TMEM266: variants seen among roughly 807,000 people sequenced by gnomAD.
TMEM266 encodes transmembrane protein 266, also known as Hv1 related protein 1.
Under a neutral mutation model 50.5 loss-of-function variants are expected in TMEM266, and 33 were observed. That is an observed-to-expected ratio of 0.65 (90% confidence interval 0.50 to 0.87). The LOEUF (loss-of-function observed/expected upper bound fraction) is 0.87. Ranked by LOEUF, TMEM266 falls within the 40% of genes least tolerant of loss-of-function variation. The pLI is 0.00. For synonymous variants in TMEM266, 310 were observed against 292.3 expected (o/e 1.06, Z -0.62); for missense variants, 655 against 695.1 (o/e 0.94, Z 0.65).
intron 1 of TMEM266, among the ~76,000 whole-genome samples, chr15:76,068,991 A>T (rs892924148): frequency 6.6e-6 from 1 of 152,198 alleles, no homozygotes. Context: ...TTCTCCCGTC[A>T]TATGGTCATC....
At chr15:76,079,484 T>A (rs748039567) in intron 1 of TMEM266, among the ~76,000 whole-genome samples, 5 of 145,748 alleles carry the variant, frequency 3.4e-5, no homozygotes, top group Non-Finnish European at 7.5e-5. Context: ...GCAAAGATAC[T>A]ATTTCTAAAC....
At chr15:76,133,156 G>A (rs888207219) in intron 1 of TMEM266, among the ~76,000 whole-genome samples, 7 of 147,642 alleles carry the variant, frequency 4.7e-5, no homozygotes, top group African/African-American at 1.8e-4. Flanking sequence ...AAATCAGGCC[G>A]GGCGCGGTGG....
Position 76,183,103 on chromosome 15 carries a change from C to CTT in TMEM266, c.768+7458_768+7459dup, listed in dbSNP as rs71140199. 4.1e-4 allele frequency among the ~76,000 whole-genome samples: 18 copies of CTT among 44,166 alleles called. 3 individuals are homozygous for CTT. The highest frequency in any genetic ancestry group is 2.4e-3 in the Admixed American group (5 of 2,102). 29.0% of individuals were successfully genotyped at this position (44,166 alleles called of 152,430 possible). Reference sequence around the variant, plus strand: ...CCTCCAGGCTGCTTCCATTTTGTGGCTTTTTTTTTTTTTTTTTTTTTTTTT... The same window carrying CTT: ...CCTCCAGGCTGCTTCCATTTTGTGGCTTTTTTTTTTTTTTTTTTTTTTTTTTT... On this transcript the variant is annotated intron_variant, in intron 8 of 10. Coordinates refer to ENST00000388942, the MANE Select transcript of TMEM266 (RefSeq NM_152335.3).
At chr15:76,097,733 A>T (rs895683336) in intron 1 of TMEM266, among the ~76,000 whole-genome samples, 1 of 152,070 alleles carries the variant, frequency 6.6e-6, no homozygotes, top group Admixed American at 6.5e-5. Context: ...TCACTTTCAG[A>T]TACACCAATC....
At chr15:76,099,542 A>G (rs1476904688) in intron 1 of TMEM266, among the ~76,000 whole-genome samples, 4 of 152,206 alleles carry the variant, frequency 2.6e-5, no homozygotes, top group Non-Finnish European at 5.9e-5. Context: ...CAACAATCCC[A>G]GGTGCTATTT....
At chr15:76,065,301 G>C (rs2036392361) in intron 1 of TMEM266, among the ~76,000 whole-genome samples, 1 of 152,132 alleles carries the variant, frequency 6.6e-6, no homozygotes, top group Admixed American at 6.6e-5. Flanking sequence ...CCTGCAAGGA[G>C]CTCCTGCCCC....
intron 3 of TMEM266, among the ~76,000 whole-genome samples, chr15:76,154,086 C>T (rs2037885953): frequency 6.6e-6 from 1 of 152,200 alleles, no homozygotes; most frequent in South Asian, 2.1e-4. Flanking sequence ...ATCACAGCCG[C>T]CCTCACCAGG....
rs138671773 is a variant in TMEM266, at chr15:76,150,053, G to A, written c.228-6551G>A. On this transcript the variant is annotated intron_variant, in intron 3 of 10. Coordinates refer to ENST00000388942, the MANE Select transcript of TMEM266 (RefSeq NM_152335.3). ...AGAACTGGCACGAGTGGAGCTAGGC[G>A]GGGCCCCAAATTACCCAATCCTGGG... 1.1e-4 allele frequency among the ~76,000 whole-genome samples: 17 copies of A among 152,312 alleles called. No individual in the cohort carries two copies. The East Asian group carries it at 2.7e-3, about 24-fold the overall frequency.
chr15:76,090,618 T>C (rs1429396464), intron 1 of TMEM266, among the ~76,000 whole-genome samples: 1 of 148,552 alleles, frequency 6.7e-6, no homozygotes, highest in Non-Finnish European at 1.5e-5. Context: ...GAACTGAGAG[T>C]TTTAAGAATC....
chr15:76,189,788 C>T (rs2038540744), intron 8 of TMEM266, among the ~76,000 whole-genome samples: 1 of 152,172 alleles, frequency 6.6e-6, no homozygotes, highest in Non-Finnish European at 1.5e-5. Context: ...CTGGGTTAGG[C>T]AGGGACCTGG....
intron 1 of TMEM266, among the ~76,000 whole-genome samples, chr15:76,116,467 G>C (rs751241503): frequency 7.9e-5 from 12 of 151,912 alleles, no homozygotes; most frequent in African/African-American, 2.2e-4. Context: ...CCCCTTCAGA[G>C]ACACCGTCCT....
At chr15:76,193,717 T>C (rs2038615760) in intron 9 of TMEM266, among the ~76,000 whole-genome samples, 1 of 152,194 alleles carries the variant, frequency 6.6e-6, no homozygotes. Context: ...GCTCTGCCTG[T>C]AAGAAGATTC....
chr15:76,148,002 A>G (rs1596134645), intron 3 of TMEM266, among the ~76,000 whole-genome samples: 3 of 152,372 alleles, frequency 2.0e-5, no homozygotes, highest in Admixed American at 2.0e-4. Flanking sequence ...AAAAAAGGCA[A>G]TACATTCACA....
intron 10 of TMEM266, among the ~76,000 whole-genome samples, chr15:76,203,366 T>C (rs566258901): frequency 6.6e-6 from 1 of 152,328 alleles, no homozygotes; most frequent in East Asian, 1.9e-4. Context: ...GCTCTGCTCC[T>C]GGGTCATCAC....
intron 7 of TMEM266, among the ~76,000 whole-genome samples, chr15:76,172,089 G>T (rs758884037): frequency 1.3e-5 from 2 of 152,178 alleles, no homozygotes; most frequent in Non-Finnish European, 2.9e-5. Flanking sequence ...CCACTCATAG[G>T]GGGCTGGTCA....
At chr15:76,092,266 A>T (rs1442064432) in intron 1 of TMEM266, among the ~76,000 whole-genome samples, 2 of 152,110 alleles carry the variant, frequency 1.3e-5, no homozygotes, top group Non-Finnish European at 2.9e-5. Flanking sequence ...TTTTAGATTC[A>T]GTTTAAGAGC....
intron 1 of TMEM266, among the ~76,000 whole-genome samples, chr15:76,129,248 C>T (rs1159356361): frequency 2.6e-5 from 4 of 152,090 alleles, no homozygotes; most frequent in Non-Finnish European, 5.9e-5. Context: ...TATGGCACCA[C>T]CTATGAAATC....
At chr15:76,080,687 G>A (rs2036678171) in intron 1 of TMEM266, among the ~76,000 whole-genome samples, 1 of 152,048 alleles carries the variant, frequency 6.6e-6, no homozygotes, top group South Asian at 2.1e-4. Flanking sequence ...TGCTGGAGCG[G>A]CCACCTGTCT....
intron 5 of TMEM266, among the ~76,000 whole-genome samples, chr15:76,167,791 G>A (rs1378980526): frequency 2.6e-5 from 4 of 152,058 alleles, no homozygotes; most frequent in African/African-American, 4.8e-5. Flanking sequence ...GTGAGCCATC[G>A]CGCCTGCTTG....
Sources: gnomAD v4.1 joint callset for allele counts (sites outside exome capture counted in the v4.1 genomes callset) on GRCh38, gnomAD v4.1.1 for gene constraint, MANE v1.5 for transcripts, NCBI Gene and HGNC (gene_info 2026-07-23, HGNC 2026-07-21) for gene names.